The following TSPAN14 variants were observed in gnomAD, a reference collection of about 807,000 sequenced individuals.
The protein encoded by TSPAN14 is tetraspanin-14.
In TSPAN14, 16 loss-of-function variants were observed where a neutral mutation model predicts 36.6. The observed-to-expected ratio is 0.44, with a 90% confidence interval of 0.30 to 0.66. The LOEUF is 0.66. Ranked by LOEUF, TSPAN14 falls within the 30% of genes least tolerant of loss-of-function variation. The pLI, the probability that TSPAN14 is intolerant of heterozygous loss-of-function variation, is 0.12. For synonymous variants in TSPAN14, 139 were observed against 143.8 expected, an observed-to-expected ratio of 0.97 and a Z score of 0.24; for missense variants, 231 against 355.1, an observed-to-expected ratio of 0.65 and a Z score of 2.81.
At chr10:80,483,023 CT>C (rs1847381063) in intron 1 of TSPAN14, among the ~76,000 whole-genome samples, 1 of 149,924 alleles carries the variant, frequency 6.7e-6, no homozygotes, top group African/African-American at 2.5e-5. Context: ...GCGTGAGCCA[CT>C]TTGCCCAGCC....
chr10:80,461,862 C>T (rs1180512022), intron 1 of TSPAN14, among the ~76,000 whole-genome samples: 2 of 151,510 alleles, frequency 1.3e-5, no homozygotes, highest in Non-Finnish European at 2.9e-5. Context: ...GAAAGAGATA[C>T]GAGGGCTTCA....
At chr10:80,521,293 A>G in exon 9 of TSPAN14, 1 of 163,172 alleles carries the variant, frequency 6.1e-6, no homozygotes, top group Non-Finnish European at 1.4e-5. Context: ...CAGTGGTCCC[A>G]GCACCTGAGG....
At chr10:80,483,012 G>A (rs1477692208) in intron 1 of TSPAN14, among the ~76,000 whole-genome samples, 3 of 152,100 alleles carry the variant, frequency 2.0e-5, no homozygotes, top group African/African-American at 7.2e-5. Context: ...TGGGATTATA[G>A]GCGTGAGCCA....
At chr10:80,489,728 TGTA>T (rs1174472623) in intron 2 of TSPAN14, among the ~76,000 whole-genome samples, 1 of 152,190 alleles carries the variant, frequency 6.6e-6, no homozygotes, top group Non-Finnish European at 1.5e-5. Flanking sequence ...GTCTTATCCT[TGTA>T]GTGCTTATGT....
At chr10:80,471,217 C>T (rs1163699074) in intron 1 of TSPAN14, among the ~76,000 whole-genome samples, 1 of 152,114 alleles carries the variant, frequency 6.6e-6, no homozygotes, top group East Asian at 1.9e-4. Context: ...TTACATGCAG[C>T]AGTGCCCTGA....
intron 1 of TSPAN14, among the ~76,000 whole-genome samples, chr10:80,482,952 C>T (rs1847376323): frequency 6.6e-6 from 1 of 152,020 alleles, no homozygotes; most frequent in South Asian, 2.1e-4. Context: ...TCAGGCTGGT[C>T]TCAAACTCCT....
chr10:80,467,791 C>T (rs78082797), intron 1 of TSPAN14, among the ~76,000 whole-genome samples: 17 of 152,270 alleles, frequency 1.1e-4, no homozygotes, highest in Middle Eastern at 3.4e-3. Context: ...AGTGTTCAGG[C>T]GCTGAGTGTG....
exon 9 of TSPAN14, chr10:80,519,233 G>A (rs1333579756): frequency 6.5e-6 from 1 of 152,744 alleles, no homozygotes; most frequent in Non-Finnish European, 1.5e-5. Flanking sequence ...CTGCTCAGAA[G>A]CTCCAGGCAT....
intron 1 of TSPAN14, chr10:80,485,774 C>T: frequency 2.6e-6 from 2 of 763,516 alleles, no homozygotes; most frequent in Non-Finnish European, 3.2e-6. Flanking sequence ...AGAAGGAAAA[C>T]TGAAATGTTT....
chr10:80,483,911 C>CAAAAAAAAAAAA (rs57795678), intron 1 of TSPAN14, among the ~76,000 whole-genome samples: 1 of 16,528 alleles, frequency 6.1e-5, no homozygotes, highest in Non-Finnish European at 1.1e-4. Context: ...ACTCTTGTCT[C>CAAAAAAAAAAAA]AAAAAAAAAA....
chr10:80,468,187 A>G (rs1846343218), intron 1 of TSPAN14, among the ~76,000 whole-genome samples: 2 of 151,748 alleles, frequency 1.3e-5, no homozygotes, highest in Non-Finnish European at 2.9e-5. Flanking sequence ...GCCCACCCAA[A>G]CCAGCACTGC....
At chr10:80,511,187 CACTT>C (rs1840599143) in intron 5 of TSPAN14, among the ~76,000 whole-genome samples, 3 of 152,172 alleles carry the variant, frequency 2.0e-5, no homozygotes, top group African/African-American at 7.2e-5. Context: ...GGATTTTACA[CACTT>C]TTTAGTCAAA....
intron 1 of TSPAN14, among the ~76,000 whole-genome samples, chr10:80,465,058 A>C (rs921627862): frequency 6.6e-6 from 1 of 152,088 alleles, no homozygotes. Flanking sequence ...CGCCCTTCTC[A>C]AGTCCCTGTG....
chr10:80,476,654 A>T (rs1219478844), intron 1 of TSPAN14, among the ~76,000 whole-genome samples: 1 of 151,958 alleles, frequency 6.6e-6, no homozygotes, highest in Non-Finnish European at 1.5e-5. Flanking sequence ...TGACCTCGTG[A>T]TCTGCCCGCC....
intron 1 of TSPAN14, among the ~76,000 whole-genome samples, chr10:80,468,299 A>ACAGGAGGGC (rs1413173697): frequency 1.3e-5 from 2 of 152,138 alleles, no homozygotes; most frequent in African/African-American, 4.8e-5. Context: ...CGGCACGAAC[A>ACAGGAGGGC]CAGGAGGGCG....
chr10:80,466,804 T>G (rs1271498986), intron 1 of TSPAN14, among the ~76,000 whole-genome samples: 2 of 152,132 alleles, frequency 1.3e-5, no homozygotes, highest in Non-Finnish European at 2.9e-5. Context: ...ACGGTTTTGT[T>G]TTATACATTT....
Position 80,509,376 on chromosome 10 carries a change from G to A in TSPAN14, c.355G>A (p.Val119Met). Residue 119 changes from valine (V) to methionine (M), a missense_variant, in exon 5 of 9, where the codon GTG becomes ATG. Transcript: ENST00000429989. This position sits in a 1 kb window ranked among gnomAD's most constrained non-coding sequence, Gnocchi z 4.7. ...GCTGGCCTTCCTGTTCCAGGACTGG[G>A]TGAGGGACCGGTTCCGGGAGTTCTT... 6.2e-7 allele frequency: 1 copy of A among 1,614,164 alleles called. No individual in the cohort carries two copies. The highest frequency in any genetic ancestry group is 8.5e-7 in the Non-Finnish European group (1 of 1,180,036).
intron 2 of TSPAN14, among the ~76,000 whole-genome samples, chr10:80,498,087 C>T (rs1330776549): frequency 6.6e-6 from 1 of 152,202 alleles, no homozygotes; most frequent in Non-Finnish European, 1.5e-5. Flanking sequence ...TCCCTTGGCC[C>T]ACTGGGCTCT....
chr10:80,511,746 CTCTCTCTCTCTCTCTCTCT>C (rs1840652660), intron 5 of TSPAN14, among the ~76,000 whole-genome samples: 1 of 148,158 alleles, frequency 6.7e-6, no homozygotes, highest in Non-Finnish European at 1.5e-5. Context: ...CTCTCTCTCT[CTCTCTCTCTCTCTCTCTCT>C]CTCTCTCCCC....
Sources: gnomAD v4.1 joint callset for allele counts (sites outside exome capture counted in the v4.1 genomes callset) on GRCh38, gnomAD v4.1.1 for gene constraint, Gnocchi (gnomAD v3.1) non-coding constraint, MANE v1.5 for transcripts, NCBI Gene and HGNC (gene_info 2026-07-23, HGNC 2026-07-21) for gene names.